The following LEKR1 variants were observed in gnomAD, a reference collection of about 807,000 sequenced individuals.
LEKR1 encodes leucine, glutamate and lysine rich 1.
A neutral mutation model predicts 72.4 loss-of-function variants in LEKR1; 59 were observed. The observed-to-expected ratio is 0.82, with a 90% CI of 0.66 to 1.01. LEKR1 has a LOEUF of 1.01. LEKR1 is among the 50% of genes least tolerant of loss of function. The pLI is 0.00. For missense variants in LEKR1, 728 were observed against 759.2 expected (o/e 0.96, Z 0.48); for synonymous variants, 257 against 263.2 (o/e 0.98, Z 0.23).
intron 2 of LEKR1, chr3:156,852,311 C>G (rs563749642): frequency 7.9e-5 from 12 of 152,242 alleles, no homozygotes; most frequent in African/African-American, 2.4e-4. Context: ...TGAAACTGAA[C>G]AGAAACAGAA....
At chr3:156,961,068 A>G (rs936343641) in intron 6 of LEKR1, among the ~76,000 whole-genome samples, 1 of 152,218 alleles carries the variant, frequency 6.6e-6, no homozygotes, top group Non-Finnish European at 1.5e-5. Context: ...CAGAGTTCAA[A>G]TAAGTCACTT....
intron 3 of LEKR1, among the ~76,000 whole-genome samples, chr3:156,887,193 T>C (rs1339963084): frequency 6.6e-6 from 1 of 152,182 alleles, no homozygotes; most frequent in East Asian, 1.9e-4. Flanking sequence ...CTTTTTTGTG[T>C]TTTTTGATTG....
chr3:156,833,930 T>G (rs942576254), intron 2 of LEKR1, among the ~76,000 whole-genome samples: 2 of 151,748 alleles, frequency 1.3e-5, no homozygotes, highest in African/African-American at 2.4e-5. Context: ...TGCAGTTTAC[T>G]TAAAAGGCAA....
chr3:156,923,402 G>T, intron 4 of LEKR1, among the ~76,000 whole-genome samples: 1 of 152,222 alleles, frequency 6.6e-6, no homozygotes. Flanking sequence ...TACTTTTCTC[G>T]ACATTTCAGA....
At chr3:156,889,205 G>A (rs775716766) in intron 3 of LEKR1, among the ~76,000 whole-genome samples, 8 of 151,738 alleles carry the variant, frequency 5.3e-5, no homozygotes, top group Non-Finnish European at 1.2e-4. Context: ...ATGGGAGGGA[G>A]GACTGCAACT....
At chr3:156,861,336 A>AGT (rs1716740421) in intron 3 of LEKR1, among the ~76,000 whole-genome samples, 1 of 152,114 alleles carries the variant, frequency 6.6e-6, no homozygotes, top group African/African-American at 2.4e-5. Context: ...TGTTTATGGA[A>AGT]GTAGTGTAAA....
chr3:157,043,521 C>G (rs944304904), intron 12 of LEKR1, among the ~76,000 whole-genome samples: 2 of 151,358 alleles, frequency 1.3e-5, no homozygotes, highest in African/African-American at 2.4e-5. Flanking sequence ...AATTAGACAA[C>G]TAATTTAGGC....
At chr3:156,924,627 G>GT in intron 4 of LEKR1, 1 of 520,046 alleles carries the variant, frequency 1.9e-6, no homozygotes, top group Non-Finnish European at 3.4e-6. Context: ...TAACTTCTGT[G>GT]TATGATATGA....
At chr3:156,887,670 A>C (rs551287836) in intron 3 of LEKR1, among the ~76,000 whole-genome samples, 2 of 152,222 alleles carry the variant, frequency 1.3e-5, no homozygotes, top group South Asian at 4.1e-4. Context: ...TAGTAATATG[A>C]ATTTTAATCA....
At chr3:157,015,511 T>A (rs1305446756) in intron 10 of LEKR1, among the ~76,000 whole-genome samples, 1 of 152,182 alleles carries the variant, frequency 6.6e-6, no homozygotes, top group East Asian at 1.9e-4. Context: ...GATGAAATGC[T>A]GATTTGATTC....
At chr3:156,916,527 A>C (rs1723668222) in intron 3 of LEKR1, among the ~76,000 whole-genome samples, 1 of 151,960 alleles carries the variant, frequency 6.6e-6, no homozygotes, top group African/African-American at 2.4e-5. Flanking sequence ...ATTATGAATG[A>C]GATTGCATTC....
At chr3:156,986,924 A>G (rs1305133314) in intron 7 of LEKR1, among the ~76,000 whole-genome samples, 3 of 152,254 alleles carry the variant, frequency 2.0e-5, no homozygotes, top group African/African-American at 7.2e-5. Flanking sequence ...GAGACTGCAC[A>G]GTGGAAATAT....
At chr3:156,891,944 G>A (rs1720706431) in intron 3 of LEKR1, among the ~76,000 whole-genome samples, 1 of 151,986 alleles carries the variant, frequency 6.6e-6, no homozygotes, top group Non-Finnish European at 1.5e-5. Flanking sequence ...CTCGTGGCAT[G>A]AAAAGAGAAT....
intron 3 of LEKR1, among the ~76,000 whole-genome samples, chr3:156,877,307 G>A (rs1215918064): frequency 6.6e-6 from 1 of 151,924 alleles, no homozygotes; most frequent in African/African-American, 2.4e-5. Flanking sequence ...GTCATTCCTG[G>A]TTTTGGAATT....
chr3:157,032,918 A>T (rs753317531), intron 12 of LEKR1, among the ~76,000 whole-genome samples: 21 of 152,138 alleles, frequency 1.4e-4, no homozygotes, highest in Non-Finnish European at 2.4e-4. Flanking sequence ...TTTGTGTCAC[A>T]GTTTGGTAAT....
At chr3:156,845,681 A>T in intron 2 of LEKR1, among the ~76,000 whole-genome samples, 1 of 151,996 alleles carries the variant, frequency 6.6e-6, no homozygotes, top group Non-Finnish European at 1.5e-5. Flanking sequence ...TGTTCCATTG[A>T]TCTATGTGTC....
chr3:156,925,333 T>TGTGTG (rs368776705), intron 4 of LEKR1: 12,591 of 74,856 alleles, frequency 0.17, 684 homozygotes, highest in South Asian at 0.25. Context: ...GTGTGTGTGT[T>TGTGTG]TGTGTGTGTC....
At chr3:156,956,624 T>C (rs1386967178) in intron 6 of LEKR1, among the ~76,000 whole-genome samples, 2 of 152,026 alleles carry the variant, frequency 1.3e-5, no homozygotes, top group African/African-American at 4.8e-5. Flanking sequence ...ATATACAGAA[T>C]GTATCCTAAT....
At chr3:156,948,234 A>G (rs1466691553) in intron 6 of LEKR1, among the ~76,000 whole-genome samples, 1 of 151,072 alleles carries the variant, frequency 6.6e-6, no homozygotes, top group East Asian at 1.9e-4. Flanking sequence ...TTTCTTTGCC[A>G]TTCTTGTTAA....
Sources: allele counts gnomAD v4.1 joint callset (sites outside exome capture counted in the v4.1 genomes callset), GRCh38; gene constraint gnomAD v4.1.1; transcripts MANE v1.5; gene names NCBI Gene and HGNC (gene_info 2026-07-23, HGNC 2026-07-21).